PCDH9: variants seen among roughly 807,000 people sequenced by gnomAD.
PCDH9 encodes protocadherin-9.
PCDH9 carries 24 observed loss-of-function variants against 70.6 expected under a neutral mutation model. The ratio of observed to expected loss-of-function variants is 0.34; its 90% CI spans 0.25 to 0.48. PCDH9 has a LOEUF of 0.48. Among genes scored for constraint, PCDH9 ranks in the 20% least tolerant of loss-of-function variants. The pLI, the probability that PCDH9 is intolerant of heterozygous loss-of-function variation, is 0.99. For missense variants in PCDH9, 1,281 were observed against 1,503.6 expected (o/e 0.85, Z 2.45); for synonymous variants, 562 against 558.5 (o/e 1.01, Z -0.09).
intron 3 of PCDH9, among the ~76,000 whole-genome samples, chr13:66,889,500 C>T (rs2082062174): frequency 6.6e-6 from 1 of 152,030 alleles, no homozygotes; most frequent in Non-Finnish European, 1.5e-5. Context: ...GGTAAATGAG[C>T]TTTTTGTATT....
intron 2 of PCDH9, among the ~76,000 whole-genome samples, chr13:66,987,547 A>G (rs1318325132): frequency 6.6e-6 from 1 of 152,070 alleles, no homozygotes; most frequent in African/African-American, 2.4e-5. Context: ...ATATTAATAA[A>G]TTTATAAAAT....
intron 2 of PCDH9, among the ~76,000 whole-genome samples, chr13:67,105,562 A>G (rs2086522795): frequency 1.3e-5 from 2 of 152,118 alleles, no homozygotes; most frequent in Non-Finnish European, 2.9e-5. Context: ...TCTTTACTCA[A>G]TTTAGAAAAA....
chr13:66,559,961 A>T (rs374858228), intron 4 of PCDH9, among the ~76,000 whole-genome samples: 2 of 151,780 alleles, frequency 1.3e-5, no homozygotes, highest in Admixed American at 1.3e-4. Flanking sequence ...CAGCTAATGA[A>T]TATCTATCTT....
chr13:67,092,949 G>GTAAA (rs1422691107), intron 2 of PCDH9, among the ~76,000 whole-genome samples: 1 of 150,094 alleles, frequency 6.7e-6, no homozygotes, highest in East Asian at 1.9e-4. Context: ...AGGCCACAAT[G>GTAAA]TAAAGAAGGG....
At chr13:67,082,102 T>C (rs2085996370) in intron 2 of PCDH9, among the ~76,000 whole-genome samples, 1 of 152,178 alleles carries the variant, frequency 6.6e-6, no homozygotes, top group Non-Finnish European at 1.5e-5. Context: ...TATTTGCATG[T>C]GATAAGAACA....
At chr13:67,046,709 A>G (rs1280423801) in intron 2 of PCDH9, among the ~76,000 whole-genome samples, 1 of 152,104 alleles carries the variant, frequency 6.6e-6, no homozygotes. Flanking sequence ...GAGGAAATGT[A>G]AACCAAAAAT....
intron 2 of PCDH9, among the ~76,000 whole-genome samples, chr13:66,974,376 C>A (rs1357618944): frequency 6.6e-6 from 1 of 151,900 alleles, no homozygotes; most frequent in Admixed American, 6.6e-5. Flanking sequence ...CAAGTTACAA[C>A]CCCTTTTCAG....
At chr13:67,008,159 G>GA (rs1370485016) in intron 2 of PCDH9, among the ~76,000 whole-genome samples, 69 of 152,162 alleles carry the variant, frequency 4.5e-4, no homozygotes, top group African/African-American at 1.6e-3. Flanking sequence ...ACAAAATAAT[G>GA]AAAAGTTCTC....
chr13:66,952,625 A>G (rs548853017), intron 2 of PCDH9, among the ~76,000 whole-genome samples: 39 of 152,290 alleles, frequency 2.6e-4, no homozygotes, highest in African/African-American at 9.4e-4. Flanking sequence ...TATAACCTCC[A>G]TTACATCTTG....
At chr13:66,345,601 C>T (rs1329909897) in intron 4 of PCDH9, among the ~76,000 whole-genome samples, 1 of 152,116 alleles carries the variant, frequency 6.6e-6, no homozygotes, top group Non-Finnish European at 1.5e-5. Flanking sequence ...TTTATTCCAT[C>T]TTGGCAAGTA....
chr13:66,503,636 T>C (rs1959188764), intron 4 of PCDH9, among the ~76,000 whole-genome samples: 1 of 152,174 alleles, frequency 6.6e-6, no homozygotes, highest in African/African-American at 2.4e-5. Flanking sequence ...TGCCTTACTT[T>C]TGCAAAGAGA....
intron 4 of PCDH9, among the ~76,000 whole-genome samples, chr13:66,573,720 T>A (rs2076769168): frequency 6.6e-6 from 1 of 150,698 alleles, no homozygotes; most frequent in East Asian, 1.9e-4. Context: ...GGTATTTTGT[T>A]GAGAGCAGTT....
chr13:67,041,322 C>T (rs765478371), intron 2 of PCDH9, among the ~76,000 whole-genome samples: 17 of 152,062 alleles, frequency 1.1e-4, no homozygotes, highest in Non-Finnish European at 2.2e-4. Context: ...TAGTTCACTG[C>T]AGGTAGTTGA....
intron 3 of PCDH9, among the ~76,000 whole-genome samples, chr13:66,756,412 A>T (rs2079538876): frequency 6.6e-6 from 1 of 152,218 alleles, no homozygotes; most frequent in South Asian, 2.1e-4. Context: ...CTTTCAATAG[A>T]TGACACACCA....
chr13:66,920,107 T>C (rs1013337242), intron 2 of PCDH9, among the ~76,000 whole-genome samples: 1 of 151,110 alleles, frequency 6.6e-6, no homozygotes, highest in African/African-American at 2.4e-5. Context: ...GAAAAACTGA[T>C]ACTTGATATC....
chr13:66,583,207 C>A (rs2076917471), intron 4 of PCDH9, among the ~76,000 whole-genome samples: 1 of 151,350 alleles, frequency 6.6e-6, no homozygotes, highest in South Asian at 2.1e-4. Context: ...TGCATATATA[C>A]ATTTAATAAA....
At chr13:66,437,404 C>CAAAAAAAAAAAAAAAAAAAAA (rs66796123) in intron 4 of PCDH9, among the ~76,000 whole-genome samples, 8 of 45,586 alleles carry the variant, frequency 1.8e-4, no homozygotes, top group African/African-American at 5.5e-4. Context: ...GACTCTGTCT[C>CAAAAAAAAAAAAAAAAAAAAA]AAAAAAAAAA....
chr13:66,485,893 ATTTTTGTAT>A (rs571176032), intron 4 of PCDH9, among the ~76,000 whole-genome samples: 133 of 151,702 alleles, frequency 8.8e-4, no homozygotes, highest in Non-Finnish European at 1.6e-3. Context: ...CGTCTGGCTA[ATTTTTGTAT>A]TTTTTGCTAG....
At chr13:67,015,534 T>C (rs1406284681) in intron 2 of PCDH9, among the ~76,000 whole-genome samples, 2 of 152,138 alleles carry the variant, frequency 1.3e-5, no homozygotes, top group East Asian at 3.9e-4. Context: ...CATTTGTAAA[T>C]CATCAGACTT....
Sources: gnomAD v4.1 joint callset for allele counts (sites outside exome capture counted in the v4.1 genomes callset) on GRCh38, gnomAD v4.1.1 for gene constraint, MANE v1.5 for transcripts, NCBI Gene and HGNC (gene_info 2026-07-23, HGNC 2026-07-21) for gene names.